The following COL4A6 variants were observed in gnomAD, a reference collection of about 807,000 sequenced individuals.
COL4A6 encodes collagen type IV alpha 6 chain, also known as collagen alpha-6(IV) chain.
Under a neutral mutation model 126.7 loss-of-function variants are expected in COL4A6, and 59 were observed. The ratio of observed to expected loss-of-function variants is 0.47; its 90% CI spans 0.38 to 0.58. The LOEUF (loss-of-function observed/expected upper bound fraction) is 0.58, where lower values mean the gene tolerates loss of function less well. COL4A6 is among the 20% of genes least tolerant of loss of function. The probability of loss-of-function intolerance (pLI) is 0.00; values close to 1 mark genes in which losing one functional copy is unlikely to be tolerated. For synonymous variants in COL4A6, 547 were observed against 496.6 expected, an observed-to-expected ratio of 1.10 and a Z score of -1.35; for missense variants, 1,285 against 1,337.3, an observed-to-expected ratio of 0.96 and a Z score of 0.61.
intron 2 of COL4A6, among the ~76,000 whole-genome samples, chrX:108,392,893 A>G (rs751445244): frequency 2.7e-5 from 3 of 111,943 alleles, no homozygotes; most frequent in East Asian, 2.8e-4. Flanking sequence ...ACTGTGTAAA[A>G]TAAGTTTCTG....
intron 3 of COL4A6, among the ~76,000 whole-genome samples, chrX:108,246,881 C>T (rs1254484745): frequency 9.0e-6 from 1 of 111,691 alleles, no homozygotes; most frequent in East Asian, 2.8e-4. Flanking sequence ...TTCTTTTCAA[C>T]TAGCAAAGGC....
intron 2 of COL4A6, among the ~76,000 whole-genome samples, chrX:108,378,275 T>A (rs1423881643): frequency 9.0e-6 from 1 of 111,553 alleles, no homozygotes; most frequent in East Asian, 2.8e-4. Flanking sequence ...GGGAGCTTTT[T>A]GTTTGTTTCT....
At chrX:108,329,343 C>T (rs950350671) in intron 2 of COL4A6, among the ~76,000 whole-genome samples, 4 of 111,077 alleles carry the variant, frequency 3.6e-5, no homozygotes, top group Non-Finnish European at 7.6e-5. Flanking sequence ...TAAGTATGTA[C>T]AATTATGAGT....
intron 29 of COL4A6, 47 bp downstream of exon 29, chrX:108,175,607 A>G: frequency 8.7e-7 from 1 of 1,148,835 alleles, no homozygotes; most frequent in Non-Finnish European, 1.2e-6. Context: ...AAATATATAT[A>G]TTGAAAAGCA....
intron 3 of COL4A6, among the ~76,000 whole-genome samples, chrX:108,310,255 T>C (rs987245015): frequency 8.9e-6 from 1 of 111,808 alleles, no homozygotes; most frequent in African/African-American, 3.3e-5. Flanking sequence ...ATTTAATACC[T>C]ATAAACCATT....
intron 42 of COL4A6, among the ~76,000 whole-genome samples, chrX:108,161,119 T>C (rs1362431191): frequency 8.9e-6 from 1 of 111,914 alleles, no homozygotes; most frequent in East Asian, 2.8e-4. Context: ...ATGACAGACA[T>C]GACAAATCAA....
chrX:108,218,775 T>C (rs1602842889), intron 5 of COL4A6, among the ~76,000 whole-genome samples: 1 of 111,826 alleles, frequency 8.9e-6, no homozygotes, highest in Admixed American at 9.5e-5. Context: ...TTCAGAACAA[T>C]CTCTGAGAGG....
chrX:108,184,138 A>G (rs1195920218), intron 23 of COL4A6, among the ~76,000 whole-genome samples: 1 of 112,345 alleles, frequency 8.9e-6, no homozygotes, highest in African/African-American at 3.2e-5. Context: ...ATTCAGGAAT[A>G]GCATCTTAGT....
At chrX:108,272,313 A>C (rs1343101167) in intron 3 of COL4A6, among the ~76,000 whole-genome samples, 1 of 110,397 alleles carries the variant, frequency 9.1e-6, no homozygotes, top group Non-Finnish European at 1.9e-5. Context: ...AATATGAATG[A>C]CTCTTGGTTT....
At chrX:108,173,543 G>A (rs887560627) in intron 31 of COL4A6, among the ~76,000 whole-genome samples, 6 of 109,967 alleles carry the variant, frequency 5.5e-5, no homozygotes, top group African/African-American at 2.0e-4. Context: ...TGACACTTTT[G>A]AAGTTCAGGG....
At chrX:108,406,312 C>T (rs751321373) in intron 2 of COL4A6, among the ~76,000 whole-genome samples, 2 of 111,920 alleles carry the variant, frequency 1.8e-5, no homozygotes, top group South Asian at 3.8e-4. Flanking sequence ...AATCCTCGCC[C>T]TTCCTCCTGA....
At chrX:108,189,519 C>A (rs921248023) in intron 20 of COL4A6, among the ~76,000 whole-genome samples, 4 of 112,252 alleles carry the variant, frequency 3.6e-5, no homozygotes, top group Non-Finnish European at 7.5e-5. Flanking sequence ...GAATGGGGAG[C>A]ATCAGAAATG....
chrX:108,302,772 G>T (rs1322701866), intron 3 of COL4A6, among the ~76,000 whole-genome samples: 1 of 111,051 alleles, frequency 9.0e-6, no homozygotes, highest in African/African-American at 3.3e-5. Flanking sequence ...GCCGAAGAAA[G>T]CCAACTCACC....
chrX:108,258,178 GA>G (rs1357489996), intron 3 of COL4A6, among the ~76,000 whole-genome samples: 12 of 111,648 alleles, frequency 1.1e-4, no homozygotes, highest in Admixed American at 9.5e-4. Context: ...GCTTGTTAAG[GA>G]TGAACTCTGG....
rs183575532 is a variant in COL4A6 at position 108,311,001 on chromosome X, A to G, written c.64-173T>C. Among the ~76,000 whole-genome samples the G allele has an allele frequency of 1.5e-4, 17 of 112,479 alleles. No homozygotes were observed. In the East Asian group the frequency reaches 3.1e-3, roughly 20 times the overall value. On this transcript the variant is annotated intron_variant, in intron 2 of 44. Coordinates refer to ENST00000334504, the MANE Select transcript of COL4A6 (RefSeq NM_033641.4). ...ACTAAACTTAAGCTAGCATCCTTTT[A>G]GTTCAGGTCTATACCTTATCAAATA...
intron 2 of COL4A6, among the ~76,000 whole-genome samples, chrX:108,399,203 A>T (rs190133888): frequency 1.2e-3 from 138 of 111,293 alleles, no homozygotes; most frequent in African/African-American, 4.0e-3. Context: ...CCATGCAAGA[A>T]TTTTTAGCAA....
intron 2 of COL4A6, among the ~76,000 whole-genome samples, chrX:108,323,032 A>T (rs1471131537): frequency 1.8e-5 from 2 of 112,175 alleles, no homozygotes; most frequent in Non-Finnish European, 3.8e-5. Context: ...GTTAGTAATA[A>T]TAGTCAAAAT....
chrX:108,182,076 T>C (rs1314883803), intron 23 of COL4A6, among the ~76,000 whole-genome samples: 1 of 112,440 alleles, frequency 8.9e-6, no homozygotes, highest in Non-Finnish European at 1.9e-5. Flanking sequence ...AACAGTATAA[T>C]GTATTGGTTA....
At chrX:108,298,192 G>C (rs762219963) in intron 3 of COL4A6, among the ~76,000 whole-genome samples, 5 of 111,671 alleles carry the variant, frequency 4.5e-5, no homozygotes, top group Non-Finnish European at 9.4e-5. Flanking sequence ...GGGAATGAGG[G>C]GGGTGTTTGG....
Sources: allele counts gnomAD v4.1 joint callset (sites outside exome capture counted in the v4.1 genomes callset), GRCh38; gene constraint gnomAD v4.1.1; transcripts MANE v1.5; gene names NCBI Gene and HGNC (gene_info 2026-07-23, HGNC 2026-07-21).